Variants in SVOP observed in about 807,000 individuals in gnomAD.
SVOP encodes the protein synaptic vesicle 2-related protein.
In SVOP, 17 loss-of-function variants were observed where a neutral mutation model predicts 69.1. That is an observed-to-expected ratio of 0.25 (90% CI 0.17 to 0.37). The LOEUF (loss-of-function observed/expected upper bound fraction) is 0.37. Ranked by LOEUF, SVOP falls within the 10% of genes least tolerant of loss-of-function variation. The probability of loss-of-function intolerance (pLI) is 1.00; values close to 1 mark genes in which losing one functional copy is unlikely to be tolerated. For synonymous variants in SVOP, 238 were observed against 238.6 expected, an observed-to-expected ratio of 1.00 and a Z score of 0.02; for missense variants, 435 against 597.5, an observed-to-expected ratio of 0.73 and a Z score of 2.84.
chr12:108,934,118 G>T (rs1367882757), intron 11 of SVOP, 77 bp downstream of exon 11: 2 of 1,272,478 alleles, frequency 1.6e-6, no homozygotes, highest in African/African-American at 1.5e-5. Context: ...AGAGCCTGGG[G>T]TGGGAGTGTG....
intron 9 of SVOP, among the ~76,000 whole-genome samples, chr12:108,937,958 C>T (rs1325730478): frequency 6.6e-6 from 1 of 152,166 alleles, no homozygotes; most frequent in Non-Finnish European, 1.5e-5. Flanking sequence ...AGTTCGAGAC[C>T]AGCCTGGCTT....
chr12:108,914,902 A>T (rs2039704298), intron 15 of SVOP, among the ~76,000 whole-genome samples: 1 of 151,504 alleles, frequency 6.6e-6, no homozygotes, highest in South Asian at 2.1e-4. Context: ...TTGGCCAGGC[A>T]CAGTGGCTCA....
At chr12:108,982,295 A>G (rs894622681) in intron 2 of SVOP, among the ~76,000 whole-genome samples, 1 of 150,728 alleles carries the variant, frequency 6.6e-6, no homozygotes, top group African/African-American at 2.5e-5. Flanking sequence ...CACCATCATC[A>G]CCACCACCAC....
At chr12:108,928,568 A>ATTT (rs58720673) in intron 11 of SVOP, among the ~76,000 whole-genome samples, 5 of 142,846 alleles carry the variant, frequency 3.5e-5, no homozygotes, top group African/African-American at 2.6e-5. Context: ...GGATTTTCTG[A>ATTT]TTTTTTTTTT....
intron 1 of SVOP, among the ~76,000 whole-genome samples, chr12:108,986,793 T>C (rs1566063110): frequency 1.3e-5 from 2 of 152,140 alleles, no homozygotes; most frequent in Non-Finnish European, 2.9e-5. Flanking sequence ...GGGGTCTTTA[T>C]AGGCATCATT....
At chr12:108,961,850 G>A (rs968853680) in intron 5 of SVOP, among the ~76,000 whole-genome samples, 45 of 151,986 alleles carry the variant, frequency 3.0e-4, no homozygotes, top group African/African-American at 1.1e-3. Flanking sequence ...CTCCTAGTTA[G>A]CACTTTAGAA....
chr12:108,940,473 T>G (rs1050989914), intron 8 of SVOP, among the ~76,000 whole-genome samples: 1 of 152,218 alleles, frequency 6.6e-6, no homozygotes, highest in Admixed American at 6.5e-5. Context: ...GTTTCTGTCA[T>G]TTGAAACTTA....
chr12:109,000,281 T>C (rs2040261274), intron 1 of SVOP, among the ~76,000 whole-genome samples: 1 of 149,540 alleles, frequency 6.7e-6, no homozygotes, highest in Non-Finnish European at 1.5e-5. Context: ...AATCTCTGAA[T>C]AGACCAATAA....
In SVOP at chr12:108,907,904, C is replaced by T. The variant is rs1224433347; in HGVS notation, c.*4631G>A. 6.6e-6 allele frequency: 1 copy of T among 152,276 alleles called. No homozygotes were observed. The highest frequency in any genetic ancestry group is 2.4e-5 in the African/African-American group (1 of 41,462). 9.4% of individuals were successfully genotyped at this position (152,276 alleles called of 1,614,324 possible). A position where few individuals can be genotyped will look rare whatever the true frequency, so the allele number is the denominator to read the frequency against. ...TAGACTTGAGAGTTTATGCACATGT[C>T]ACTGCAGATTCCAGGCATACCAGCA... is the stretch of plus-strand genomic sequence containing the variant. On this transcript the variant is annotated 3_prime_UTR_variant, in exon 16 of 16. Transcript: ENST00000610966.
At chr12:108,929,276 T>C (rs150860510) in intron 11 of SVOP, among the ~76,000 whole-genome samples, 261 of 152,332 alleles carry the variant, frequency 1.7e-3, no homozygotes, top group African/African-American at 6.0e-3. Context: ...CCTTCAGCAA[T>C]AGTCCTTTTT....
At chr12:108,977,619 C>T (rs1269027915) in intron 3 of SVOP, 123 bp from the exon 4 acceptor site, 1 of 608,308 alleles carries the variant, frequency 1.6e-6, no homozygotes, top group Admixed American at 2.4e-5. Context: ...TGCCAAGTGC[C>T]CTGCTGCACA....
intron 5 of SVOP, among the ~76,000 whole-genome samples, chr12:108,966,631 A>T (rs2040047268): frequency 6.6e-6 from 1 of 151,970 alleles, no homozygotes; most frequent in African/African-American, 2.4e-5. Context: ...CCAGAATTCC[A>T]TGCTGGGGAG....
At chr12:108,981,075 G>A (rs1240322097) in intron 2 of SVOP, among the ~76,000 whole-genome samples, 1 of 152,272 alleles carries the variant, frequency 6.6e-6, no homozygotes, top group East Asian at 1.9e-4. Context: ...AGTGTGAGCT[G>A]GCGTTGATCA....
At chr12:108,982,407 TCATCAC>T (rs2040141675) in intron 2 of SVOP, among the ~76,000 whole-genome samples, 1 of 149,844 alleles carries the variant, frequency 6.7e-6, no homozygotes, top group Non-Finnish European at 1.5e-5. Flanking sequence ...ACTATCATCA[TCATCAC>T]CATCACCATC....
intron 11 of SVOP, among the ~76,000 whole-genome samples, chr12:108,928,249 T>C (rs1024811841): frequency 6.6e-6 from 1 of 151,896 alleles, no homozygotes; most frequent in African/African-American, 2.4e-5. Flanking sequence ...CAAACTTTTG[T>C]CAGGCTCCTC....
chr12:108,908,823 G>A lies in SVOP; in HGVS notation c.*3712C>T, dbSNP rs2039663012. 1 of 152,210 alleles carries A rather than the reference G, an allele frequency of 6.6e-6. No individual in the cohort carries two copies. Among genetic ancestry groups the A allele is most frequent in the African/African-American group, 2.4e-5 (1 of 41,434 alleles). 9.4% of individuals were successfully genotyped at this position (152,210 alleles called of 1,614,324 possible). A position where few individuals can be genotyped will look rare whatever the true frequency, so the allele number is the denominator to read the frequency against. ...TGTGCTAACAGAATCCCAATTTTGT[G>A]TTCAGGAGGCTGTGGGTATCCCTTG... On this transcript the variant is annotated 3_prime_UTR_variant, in exon 16 of 16. Transcript: ENST00000610966.
Position 108,912,581 on chromosome 12 carries a change from A to C in SVOP, c.1601T>G (p.Met534Arg). The C allele has an allele frequency of 6.2e-7, 1 of 1,613,782 alleles. No homozygotes were observed. ...CGACCTGGTAACACCTGCACCGTGCATTCCTCGGCCGACCATCTCCTGGCC... is the reference window on the plus strand; with the variant it reads ...CGACCTGGTAACACCTGCACCGTGCCTTCCTCGGCCGACCATCTCCTGGCC... ...EWGQEMVGRG[M>R]HGAGVTRSNS... The change falls in exon 16 of 16, where the codon ATG becomes AGG. Residue 534 changes from methionine (M) to arginine (R), a missense_variant. By Grantham distance (91) the Met-to-Arg change is moderately conservative (BLOSUM62 -1). Transcript: ENST00000610966.
At chr12:108,970,370 A>G (rs1053680572) in intron 5 of SVOP, among the ~76,000 whole-genome samples, 43 of 152,212 alleles carry the variant, frequency 2.8e-4, no homozygotes, top group African/African-American at 1.0e-3. Context: ...TTAGAGTGAT[A>G]ATAGCACCTA....
intron 11 of SVOP, among the ~76,000 whole-genome samples, chr12:108,927,018 A>G (rs2039784390): frequency 6.6e-6 from 1 of 152,234 alleles, no homozygotes; most frequent in South Asian, 2.1e-4. Flanking sequence ...GTCTCTCTCC[A>G]GAGCAAAGGA....
Sources: gnomAD v4.1 joint callset for allele counts (sites outside exome capture counted in the v4.1 genomes callset) on GRCh38, gnomAD v4.1.1 for gene constraint, MANE v1.5 for transcripts, NCBI Gene and HGNC (gene_info 2026-07-23, HGNC 2026-07-21) for gene names.